Variants in PHF20 observed in about 807,000 individuals in gnomAD.
PHF20 encodes glioma-expressed antigen 2.
In PHF20, 23 loss-of-function variants were observed where a neutral mutation model predicts 113.5. The ratio of observed to expected loss-of-function variants is 0.20; its 90% confidence interval spans 0.15 to 0.29. The LOEUF is 0.29. PHF20 is among the 10% of genes least tolerant of loss of function. The pLI is 1.00. For synonymous variants in PHF20, 434 were observed against 457.3 expected, an observed-to-expected ratio of 0.95 and a Z score of 0.65; for missense variants, 943 against 1,219.6, an observed-to-expected ratio of 0.77 and a Z score of 3.38.
At position 35,849,627 on chromosome 20, in the gene PHF20, T is replaced by G. The variant is rs1311121434; in HGVS notation, c.340+2193T>G. 2.2e-5 allele frequency: 9 copies of G among 415,102 alleles called. No homozygotes were observed. The Admixed American group carries it at 2.6e-4, about 12-fold the overall frequency. The allele number at this position is 415,102 out of a possible 1,614,324, so 25.7% of individuals were successfully genotyped here. A position where few individuals can be genotyped will look rare whatever the true frequency, so the allele number is the denominator to read the frequency against. ...CATCACGATTCACTGTGGGATTACTTGTGGGATTGGGAGCGACAATGCTAG... is the reference window on the plus strand; with the variant it reads ...CATCACGATTCACTGTGGGATTACTGGTGGGATTGGGAGCGACAATGCTAG... On this transcript the variant is annotated intron_variant, in intron 4 of 17. Coordinates refer to ENST00000374012, the MANE Select transcript of PHF20 (RefSeq NM_016436.5).
chr20:35,893,239 TA>T (rs73622032), intron 9 of PHF20, among the ~76,000 whole-genome samples: 1,609 of 152,352 alleles, frequency 0.011, 18 homozygotes, highest in East Asian at 0.04. Context: ...TTGAAAGGTT[TA>T]CTAGATTGGC....
In PHF20 at chr20:35,898,822, G is replaced by C. The variant is rs887261938; in HGVS notation, c.1283-548G>C. Among the ~76,000 whole-genome samples, 57 of 152,280 alleles carry C rather than the reference G, an allele frequency of 3.7e-4. No individual in the cohort carries two copies. The Middle Eastern group carries it at 0.01, about 27-fold the overall frequency. On this transcript the variant is annotated intron_variant, in intron 9 of 17. Transcript: ENST00000374012. ...GACAGGGTTTCACCATATTGGCCAG[G>C]CTGGTCTCGAACTCCTGACCTCAGG...
At chr20:35,940,108 A>G (rs2055947791) in intron 16 of PHF20, among the ~76,000 whole-genome samples, 1 of 152,172 alleles carries the variant, frequency 6.6e-6, no homozygotes, top group Admixed American at 6.5e-5. Flanking sequence ...ATTTGTGAAA[A>G]TCCCTCAGTA....
At chr20:35,782,965 A>G (rs577808653) in intron 1 of PHF20, among the ~76,000 whole-genome samples, 160 of 152,320 alleles carry the variant, frequency 1.1e-3, no homozygotes, top group Non-Finnish European at 2.1e-3. Flanking sequence ...AGGCCAAGGC[A>G]GGAGGACTGC....
chr20:35,925,290 C>T (rs192082156), intron 13 of PHF20, among the ~76,000 whole-genome samples: 556 of 146,506 alleles, frequency 3.8e-3, no homozygotes, highest in African/African-American at 0.013. Flanking sequence ...TATGGAATCT[C>T]GCTCTGTTGC....
At chr20:35,830,761 G>A (rs2042345088) in intron 2 of PHF20, among the ~76,000 whole-genome samples, 1 of 148,928 alleles carries the variant, frequency 6.7e-6, no homozygotes, top group South Asian at 2.1e-4. Flanking sequence ...TGGGGTACAT[G>A]TGCAAGATTT....
chr20:35,775,915 C>T (rs1408493100), intron 1 of PHF20, among the ~76,000 whole-genome samples: 3 of 152,020 alleles, frequency 2.0e-5, no homozygotes, highest in Admixed American at 1.3e-4. Flanking sequence ...TGGGCTCAAG[C>T]GATCCTCCCC....
chr20:35,808,824 G>A (rs1307102404), intron 2 of PHF20, among the ~76,000 whole-genome samples: 2 of 151,100 alleles, frequency 1.3e-5, no homozygotes, highest in Admixed American at 6.6e-5. Flanking sequence ...TGCTCGCCTC[G>A]GCCTCCCAAC....
chr20:35,801,249 C>G (rs1321390634), intron 1 of PHF20, among the ~76,000 whole-genome samples: 2 of 152,092 alleles, frequency 1.3e-5, no homozygotes, highest in African/African-American at 4.8e-5. Context: ...GCCCTTGGCC[C>G]TTGTAGGTGA....
chr20:35,842,934 A>G (rs1207025508), intron 3 of PHF20, among the ~76,000 whole-genome samples, 190 bp downstream of exon 3: 2 of 152,138 alleles, frequency 1.3e-5, no homozygotes, highest in Admixed American at 6.5e-5. Flanking sequence ...TTTGAGACGG[A>G]GTCTCGCTGT....
intron 1 of PHF20, among the ~76,000 whole-genome samples, chr20:35,795,785 T>C (rs1029059233): frequency 2.0e-5 from 3 of 152,124 alleles, no homozygotes. Context: ...ATCTTTATAA[T>C]GGGGATTAAT....
chr20:35,867,168 T>A (rs2054333446), intron 6 of PHF20, among the ~76,000 whole-genome samples: 1 of 152,316 alleles, frequency 6.6e-6, no homozygotes, highest in Admixed American at 6.5e-5. Flanking sequence ...ATAAGTTCAT[T>A]GATTTGTAGA....
At chr20:35,921,979 C>T (rs1307559718) in intron 13 of PHF20, among the ~76,000 whole-genome samples, 1 of 152,124 alleles carries the variant, frequency 6.6e-6, no homozygotes, top group African/African-American at 2.4e-5. Context: ...TCTCTATTGA[C>T]TTTTCTATAA....
At chr20:35,787,341 A>T (rs933664676) in intron 1 of PHF20, among the ~76,000 whole-genome samples, 6 of 147,392 alleles carry the variant, frequency 4.1e-5, no homozygotes, top group African/African-American at 5.0e-5. Flanking sequence ...CACCATGCCC[A>T]GTTAATTTTG....
intron 2 of PHF20, among the ~76,000 whole-genome samples, chr20:35,838,952 C>T (rs2042491890): frequency 6.6e-6 from 1 of 150,930 alleles, no homozygotes; most frequent in Admixed American, 6.6e-5. Context: ...CATGGTGGTG[C>T]CACTGCACTC....
intron 13 of PHF20, among the ~76,000 whole-genome samples, chr20:35,926,294 G>A (rs1334195508): frequency 4.1e-4 from 50 of 121,714 alleles, no homozygotes; most frequent in Middle Eastern, 0.015. Flanking sequence ...TGGGAGTGCA[G>A]TGGCGCAATC....
At chr20:35,846,117 T>C (rs1316025207) in intron 3 of PHF20, among the ~76,000 whole-genome samples, 1 of 152,146 alleles carries the variant, frequency 6.6e-6, no homozygotes, top group Non-Finnish European at 1.5e-5. Context: ...GGCCTTTTTT[T>C]TCTTTTTCCC....
At chr20:35,848,641 T>C (rs1478412021) in intron 4 of PHF20, among the ~76,000 whole-genome samples, 1 of 151,956 alleles carries the variant, frequency 6.6e-6, no homozygotes, top group Non-Finnish European at 1.5e-5. Flanking sequence ...GGAGGATCAC[T>C]TGAGGCCAGG....
At chr20:35,879,835 C>A (rs1200503136) in intron 9 of PHF20, among the ~76,000 whole-genome samples, 13 of 147,506 alleles carry the variant, frequency 8.8e-5, no homozygotes, top group Admixed American at 5.4e-4. Context: ...CCCCAAAAAA[C>A]CAAATTAGCC....
Sources: gnomAD v4.1 joint callset for allele counts (sites outside exome capture counted in the v4.1 genomes callset) on GRCh38, gnomAD v4.1.1 for gene constraint, MANE v1.5 for transcripts, NCBI Gene and HGNC (gene_info 2026-07-23, HGNC 2026-07-21) for gene names.